The following TTC34 variants were observed in gnomAD, a reference collection of about 807,000 sequenced individuals.
The protein encoded by TTC34 is tetratricopeptide repeat protein 34.
A neutral mutation model predicts 40.7 loss-of-function variants in TTC34; 44 were observed. That is an observed-to-expected ratio of 1.08 (90% CI 0.85 to 1.39). The LOEUF is 1.39. TTC34 is among the 40% of genes most tolerant of loss of function. The pLI is 0.00. For missense variants in TTC34, 884 were observed against 838.0 expected (o/e 1.05, Z -0.68); for synonymous variants, 422 against 398.6 (o/e 1.06, Z -0.70).
intron 7 of TTC34, among the ~76,000 whole-genome samples, chr1:2,644,928 C>T (rs763589034): frequency 3.3e-5 from 5 of 152,168 alleles, no homozygotes; most frequent in Non-Finnish European, 7.4e-5. Flanking sequence ...GCCCATGGGG[C>T]TTCTGACAGT....
chr1:2,690,752 C>T (rs569906603), intron 6 of TTC34, among the ~76,000 whole-genome samples: 1 of 81,816 alleles, frequency 1.2e-5, no homozygotes, highest in Non-Finnish European at 2.9e-5. Context: ...CTCAGGTGAG[C>T]ATCTGACAGC....
intron 6 of TTC34, among the ~76,000 whole-genome samples, chr1:2,749,876 A>C (rs1462870173): frequency 0.08 from 920 of 11,558 alleles, no homozygotes; most frequent in East Asian, 0.15. Context: ...CCTGGAGCAG[A>C]ACCCACACCC....
At chr1:2,688,369 C>A (rs796671860) in intron 6 of TTC34, among the ~76,000 whole-genome samples, 7 of 95,360 alleles carry the variant, frequency 7.3e-5, no homozygotes, top group East Asian at 3.9e-4. Context: ...AGCACCCACA[C>A]GCCCAGGTGA....
rs2100635349 is a variant in TTC34 at position 2,796,595 on chromosome 1, T to C, written c.784+3449A>G. On this transcript the variant is annotated intron_variant, in intron 2 of 8. Transcript: ENST00000401095. The surrounding 1 kb of genome is among the most constrained non-coding windows in gnomAD (Gnocchi z 4.5). ...GGTTCTGGATTTCTGCAGAGAGCTT[T>C]AGTGTGACCCCCACCCACACCCTTA... Among the ~76,000 whole-genome samples, 1 of 152,142 alleles carries C rather than the reference T, an allele frequency of 6.6e-6. No individual in the cohort carries two copies. Among genetic ancestry groups the C allele is most frequent in the East Asian group, 1.9e-4 (1 of 5,140 alleles).
chr1:2,643,404 C>T (rs1323894013), intron 8 of TTC34, among the ~76,000 whole-genome samples: 3 of 152,226 alleles, frequency 2.0e-5, no homozygotes, highest in African/African-American at 7.2e-5. Context: ...TCCAGCCCCG[C>T]CTCCGGGCTC....
chr1:2,749,551 GCAGCACCCACAC>G, intron 6 of TTC34, among the ~76,000 whole-genome samples: 1 of 55,088 alleles, frequency 1.8e-5, no homozygotes, highest in South Asian at 8.1e-4. Context: ...AACGCAAATA[GCAGCACCCACAC>G]CCCCAGGCGA....
At chr1:2,788,705 A>G (rs1037131166) in intron 3 of TTC34, among the ~76,000 whole-genome samples, 14 of 152,136 alleles carry the variant, frequency 9.2e-5, no homozygotes, top group African/African-American at 3.1e-4. Context: ...AGGATCCTAC[A>G]AGTGGCGGCG....
chr1:2,758,201 G>T (rs1447491370), intron 6 of TTC34, among the ~76,000 whole-genome samples: 2 of 11,564 alleles, frequency 1.7e-4, no homozygotes, highest in Admixed American at 8.4e-4. Flanking sequence ...GCACCCCCAG[G>T]TGAGCAACTG....
At chr1:2,750,693 G>T (rs1641289253) in intron 6 of TTC34, among the ~76,000 whole-genome samples, 1 of 120,774 alleles carries the variant, frequency 8.3e-6, no homozygotes, top group Admixed American at 8.5e-5. Flanking sequence ...GCACCCCCAA[G>T]TGAGCATCCG....
chr1:2,638,214 G>C (rs1472639573), exon 9 of TTC34: 1 of 152,130 alleles, frequency 6.6e-6, no homozygotes, highest in Non-Finnish European at 1.5e-5. Context: ...GACTCAGGAA[G>C]GAACCACTTT....
chr1:2,657,417 G>A (rs1440465122), intron 6 of TTC34, among the ~76,000 whole-genome samples: 2 of 72,368 alleles, frequency 2.8e-5, no homozygotes, highest in African/African-American at 8.9e-5. Context: ...AGCAGTACCA[G>A]TACCCCCAGG....
chr1:2,764,166 A>T (rs1361311134), intron 6 of TTC34, among the ~76,000 whole-genome samples: 67 of 146,836 alleles, frequency 4.6e-4, no homozygotes, highest in African/African-American at 1.7e-3. Flanking sequence ...CTGACGCATA[A>T]AACAGCACCC....
intron 6 of TTC34, among the ~76,000 whole-genome samples, chr1:2,694,766 C>T (rs368663837): frequency 1.3e-5 from 1 of 76,974 alleles, no homozygotes; most frequent in East Asian, 3.3e-4. Context: ...AGGTGAGCAT[C>T]CGACAGCCTG....
At chr1:2,654,173 C>A (rs113244955) in intron 6 of TTC34, among the ~76,000 whole-genome samples, 4,826 of 40,144 alleles carry the variant, frequency 0.12, no homozygotes, top group Middle Eastern at 0.28. Context: ...CCCACACCCC[C>A]AGGCGAGCAT....
chr1:2,699,993 G>A (rs550766638), intron 6 of TTC34, among the ~76,000 whole-genome samples: 18 of 106,884 alleles, frequency 1.7e-4, no homozygotes, highest in Non-Finnish European at 2.8e-4. Context: ...GCATCTGACA[G>A]CCTGGAGCAG....
chr1:2,778,699 G>A (rs1643409141), intron 6 of TTC34, among the ~76,000 whole-genome samples: 1 of 152,182 alleles, frequency 6.6e-6, no homozygotes, highest in Non-Finnish European at 1.5e-5. Context: ...CCCCAGGAGG[G>A]GCAGCACCCA....
rs1459062426 is a variant in TTC34, at chr1:2,790,245, C to A, written c.886G>T (p.Glu296Ter). Residue 296 changes from glutamate (E) to a stop codon, truncating the protein, a stop_gained, in exon 3 of 9, where the codon GAG becomes TAG. Coordinates refer to ENST00000401095, the Ensembl canonical transcript of TTC34. LOFTEE classifies it high-confidence loss of function. ...TGCCTCCGCGCCCCAGAGGGGCTCTCGCGGAAGGCCTCCTGCAGGTTCCAA... is the reference window on the plus strand; with the variant it reads ...TGCCTCCGCGCCCCAGAGGGGCTCTAGCGGAAGGCCTCCTGCAGGTTCCAA... 5.0e-6 allele frequency: 2 copies of A among 398,304 alleles called. No homozygotes were observed. The highest frequency in any genetic ancestry group is 4.4e-6 in the Non-Finnish European group (1 of 225,908). The allele number at this position is 398,304 out of a possible 1,614,324, so 24.7% of individuals were successfully genotyped here. A position where few individuals can be genotyped will look rare whatever the true frequency, so the allele number is the denominator to read the frequency against.
chr1:2,657,458 CGCCCCCAGGCGAGCATCTG>C (rs1639390290), intron 6 of TTC34, among the ~76,000 whole-genome samples: 1 of 89,734 alleles, frequency 1.1e-5, no homozygotes, highest in African/African-American at 3.5e-5. Flanking sequence ...GCAGCACCCA[CGCCCCCAGGCGAGCATCTG>C]ACCGAACGGA....
At position 2,697,511 on chromosome 1, in the gene TTC34, G is replaced by A. The variant is rs1232517169; in HGVS notation, c.2227-51948C>T. ...CCCCAGGTGCGCACATGACAGCCTG[G>A]AACAGCACCCACACACCCAGGCGAG... On this transcript the variant is annotated intron_variant, in intron 6 of 8. Transcript: ENST00000401095. Among the ~76,000 whole-genome samples, 10 of 152,054 alleles carry A rather than the reference G, an allele frequency of 6.6e-5. No individual in the cohort carries two copies. In the Admixed American group the frequency reaches 6.6e-4, roughly 10 times the overall value.
Sources: gnomAD v4.1 joint callset for allele counts (sites outside exome capture counted in the v4.1 genomes callset) on GRCh38, gnomAD v4.1.1 for gene constraint, Gnocchi (gnomAD v3.1) non-coding constraint, MANE v1.5 for transcripts, NCBI Gene and HGNC (gene_info 2026-07-23, HGNC 2026-07-21) for gene names.